The following ZDHHC13 variants were observed in gnomAD, a reference collection of about 807,000 sequenced individuals.
ZDHHC13 encodes the protein palmitoyltransferase ZDHHC13.
Under a neutral mutation model 86.0 loss-of-function variants are expected in ZDHHC13, and 85 were observed. That is an observed-to-expected ratio of 0.99 (90% CI 0.83 to 1.18). The LOEUF is 1.18. Ranked by LOEUF, ZDHHC13 falls within the 50% of genes most tolerant of loss-of-function variation. ZDHHC13 has a pLI of 0.00. For missense variants in ZDHHC13, 711 were observed against 730.2 expected (o/e 0.97, Z 0.30); for synonymous variants, 263 against 246.4 (o/e 1.07, Z -0.63).
intron 16 of ZDHHC13, 125 bp downstream of exon 16, chr11:19,172,945 C>A (rs1272031517): frequency 1.3e-6 from 1 of 774,238 alleles, no homozygotes; most frequent in Non-Finnish European, 1.9e-6. Flanking sequence ...ACAGTTGACC[C>A]CCCTTTTCTT....
chr11:19,153,409 C>T (rs1292604179), intron 8 of ZDHHC13, among the ~76,000 whole-genome samples: 1 of 152,164 alleles, frequency 6.6e-6, no homozygotes, highest in Non-Finnish European at 1.5e-5. Context: ...ATGATACCAT[C>T]ATCTTATTAA....
At chr11:19,163,488 T>G in intron 11 of ZDHHC13, 61 bp downstream of exon 11, 1 of 1,461,418 alleles carries the variant, frequency 6.8e-7, no homozygotes, top group Non-Finnish European at 9.0e-7. Flanking sequence ...AGAAAGTTTA[T>G]ATGCACATAT....
Position 19,165,131 on chromosome 11 carries a change from C to T in ZDHHC13, c.1376C>T (p.Thr459Ile). ...VARYDQHCLW[T>I]GRCIGFGNHH... ...CGATATGATCAACACTGCCTGTGGA[C>T]TGGACGGTGCATAGGTGAGAGATTT... is the stretch of plus-strand genomic sequence containing the variant. Residue 459 changes from threonine (T) to isoleucine (I), a missense_variant, in exon 13 of 17, where the codon ACT becomes ATT. Coordinates refer to ENST00000446113, the MANE Select transcript of ZDHHC13 (RefSeq NM_019028.3). 1 of 1,612,316 alleles carries T rather than the reference C, an allele frequency of 6.2e-7. No homozygotes were observed. The highest frequency in any genetic ancestry group is 8.5e-7 in the Non-Finnish European group (1 of 1,179,138).
At chr11:19,172,256 G>A (rs770751168) in intron 15 of ZDHHC13, among the ~76,000 whole-genome samples, 35 of 152,010 alleles carry the variant, frequency 2.3e-4, no homozygotes, top group Non-Finnish European at 4.4e-4. Context: ...TATTTTTAGT[G>A]GAGACGGGGT....
intron 3 of ZDHHC13, among the ~76,000 whole-genome samples, chr11:19,146,613 C>T (rs765764670): frequency 9.9e-5 from 15 of 152,086 alleles, no homozygotes; most frequent in Non-Finnish European, 1.6e-4. Context: ...TGGGAAGTCT[C>T]ATCTAGTTTA....
rs1329224381 is a variant in ZDHHC13 at position 19,168,337 on chromosome 11, A to T, written c.1474+1952A>T. 3 of 152,108 alleles carry T rather than the reference A, an allele frequency of 2.0e-5. No homozygotes were observed. In the South Asian group the frequency reaches 6.2e-4, roughly 32 times the overall value. 9.4% of individuals were successfully genotyped at this position (152,108 alleles called of 1,614,324 possible). ...TCTTCTCTTCTCTCTCTTCACTAAA[A>T]ATAGTCACCTTTGTTTGGCATCTAT... On this transcript the variant is annotated intron_variant, in intron 14 of 16. Coordinates refer to ENST00000446113, the MANE Select transcript of ZDHHC13 (RefSeq NM_019028.3).
At chr11:19,156,761 G>A (rs950597037) in intron 9 of ZDHHC13, among the ~76,000 whole-genome samples, 1 of 151,932 alleles carries the variant, frequency 6.6e-6, no homozygotes, top group African/African-American at 2.4e-5. Context: ...TCCACAACTC[G>A]CATCCTAGAC....
intron 1 of ZDHHC13, among the ~76,000 whole-genome samples, chr11:19,135,187 G>A (rs188518934): frequency 1.3e-5 from 2 of 152,352 alleles, no homozygotes; most frequent in East Asian, 3.9e-4. Context: ...GGGAGTGCCA[G>A]ACAGTGGGCA....
intron 10 of ZDHHC13, among the ~76,000 whole-genome samples, chr11:19,160,548 T>C (rs1849881616): frequency 6.6e-6 from 1 of 152,012 alleles, no homozygotes; most frequent in Non-Finnish European, 1.5e-5. Flanking sequence ...TGTTTACCAA[T>C]CCATATGGCA....
chr11:19,146,497 A>G (rs1219026550), intron 3 of ZDHHC13, among the ~76,000 whole-genome samples, 194 bp downstream of exon 3: 1 of 152,220 alleles, frequency 6.6e-6, no homozygotes, highest in Admixed American at 6.5e-5. Context: ...TTGATCCAAA[A>G]GGGAAAATTA....
intron 12 of ZDHHC13, 194 bp from the exon 13 acceptor site, chr11:19,164,858 T>G: frequency 5.3e-6 from 3 of 569,786 alleles, no homozygotes; most frequent in Non-Finnish European, 9.4e-6. Context: ...CAGATCCCAC[T>G]TAGTGATGTC....
chr11:19,123,047 C>G (rs1324285721), intron 1 of ZDHHC13, among the ~76,000 whole-genome samples: 1 of 152,200 alleles, frequency 6.6e-6, no homozygotes, highest in Non-Finnish European at 1.5e-5. Flanking sequence ...TATTATTTCA[C>G]TCTGTCTCTG....
At chr11:19,122,690 C>G (rs1848781784) in intron 1 of ZDHHC13, among the ~76,000 whole-genome samples, 1 of 151,910 alleles carries the variant, frequency 6.6e-6, no homozygotes, top group African/African-American at 2.4e-5. Context: ...AGCTTTCCTG[C>G]CAGCAGAGGT....
chr11:19,122,228 G>A (rs983383766), intron 1 of ZDHHC13, among the ~76,000 whole-genome samples: 3 of 152,124 alleles, frequency 2.0e-5, no homozygotes, highest in African/African-American at 7.2e-5. Context: ...CTCAGTATAT[G>A]TTCATGGCAA....
chr11:19,174,222 G>A (rs1036793547), intron 16 of ZDHHC13, among the ~76,000 whole-genome samples: 1 of 152,220 alleles, frequency 6.6e-6, no homozygotes. Context: ...TGGATGGCGT[G>A]AGATTTCATC....
intron 1 of ZDHHC13, among the ~76,000 whole-genome samples, chr11:19,127,131 G>A (rs7926733): frequency 1.3e-5 from 2 of 151,978 alleles, no homozygotes; most frequent in Admixed American, 6.6e-5. Flanking sequence ...ATTTTTTGAC[G>A]TTTGAATAAT....
intron 1 of ZDHHC13, among the ~76,000 whole-genome samples, chr11:19,126,438 G>A (rs1238207262): frequency 6.9e-5 from 10 of 145,232 alleles, no homozygotes; most frequent in Admixed American, 1.4e-4. Flanking sequence ...CCAGGTTCAA[G>A]TGATTCTCCT....
intron 1 of ZDHHC13, among the ~76,000 whole-genome samples, chr11:19,129,235 G>T (rs1419533795): frequency 6.6e-6 from 1 of 152,014 alleles, no homozygotes; most frequent in Non-Finnish European, 1.5e-5. Flanking sequence ...TAATCTGTAT[G>T]CATTTTTATT....
intron 1 of ZDHHC13, among the ~76,000 whole-genome samples, chr11:19,135,878 A>G (rs1849124754): frequency 1.3e-5 from 2 of 152,052 alleles, no homozygotes; most frequent in African/African-American, 4.8e-5. Context: ...TGTTAGAAGG[A>G]AAACTAACAA....
Sources: gnomAD v4.1 joint callset for allele counts (sites outside exome capture counted in the v4.1 genomes callset) on GRCh38, gnomAD v4.1.1 for gene constraint, MANE v1.5 for transcripts, NCBI Gene and HGNC (gene_info 2026-07-23, HGNC 2026-07-21) for gene names.